Variants in MGLL observed in about 807,000 individuals in gnomAD.
MGLL encodes the protein lysophospholipase homolog.
A neutral mutation model predicts 29.1 loss-of-function variants in MGLL; 7 were observed. That is an observed-to-expected ratio of 0.24 (90% CI 0.14 to 0.45). The LOEUF is 0.45. Among genes scored for constraint, MGLL ranks in the 20% least tolerant of loss-of-function variants. MGLL has a pLI of 0.99. For missense variants in MGLL, 356 were observed against 413.6 expected (o/e 0.86, Z 1.21); for synonymous variants, 148 against 168.3 (o/e 0.88, Z 0.93).
chr3:127,811,838 T>C (rs566218891), intron 2 of MGLL, among the ~76,000 whole-genome samples: 23 of 152,376 alleles, frequency 1.5e-4, no homozygotes, highest in Non-Finnish European at 2.4e-4. Context: ...GGCAAGCCTC[T>C]AGCTGGCCTG....
chr3:127,761,498 A>G lies in MGLL; in HGVS notation c.262+20291T>C, dbSNP rs1305361338. On this transcript the variant is annotated intron_variant, in intron 3 of 7. Transcript: ENST00000265052. This position sits in a 1 kb window ranked among gnomAD's most constrained non-coding sequence, Gnocchi z 4.6. ...GAACACTCAGAGACAGCAGTCAAAG[A>G]GGCCACTTCTGCACTGCCTGGACCA... Among the ~76,000 whole-genome samples the G allele has an allele frequency of 1.3e-5, 2 of 152,250 alleles. No homozygotes were observed. The highest frequency in any genetic ancestry group is 4.8e-5 in the African/African-American group (2 of 41,458).
chr3:127,694,952 G>A, intron 7 of MGLL, 23 bp downstream of exon 7: 1 of 1,610,744 alleles, frequency 6.2e-7, no homozygotes. Flanking sequence ...TTGGGGGGAA[G>A]TGGGCAAGTG....
intron 3 of MGLL, among the ~76,000 whole-genome samples, chr3:127,725,756 T>A (rs575918942): frequency 6.6e-6 from 1 of 152,316 alleles, no homozygotes; most frequent in South Asian, 2.1e-4. Context: ...AATATAAAAA[T>A]GGCTGAATCT....
At chr3:127,726,177 AAAGAAAGAAAAG>A (rs2076035925) in intron 3 of MGLL, among the ~76,000 whole-genome samples, 2 of 42,554 alleles carry the variant, frequency 4.7e-5, no homozygotes, top group Admixed American at 2.2e-4. Context: ...AGAAAGAAAG[AAAGAAAGAAAAG>A]AAAAGAAAGA....
chr3:127,782,488 C>T (rs1207357902), intron 2 of MGLL, among the ~76,000 whole-genome samples: 1 of 152,178 alleles, frequency 6.6e-6, no homozygotes, highest in Non-Finnish European at 1.5e-5. Flanking sequence ...GAGCATCGCC[C>T]TGTGGGTGCT....
intron 5 of MGLL, among the ~76,000 whole-genome samples, 166 bp downstream of exon 5, chr3:127,720,887 C>T (rs1261380413): frequency 1.3e-5 from 2 of 152,200 alleles, no homozygotes; most frequent in Admixed American, 1.3e-4. Context: ...TTAGAAATTA[C>T]AGAACCCCGG....
At chr3:127,787,705 C>T (rs911802455) in intron 2 of MGLL, among the ~76,000 whole-genome samples, 10 of 152,220 alleles carry the variant, frequency 6.6e-5, no homozygotes, top group Admixed American at 2.0e-4. Flanking sequence ...CATCGCCTGC[C>T]GCTCCAGGCA....
intron 7 of MGLL, among the ~76,000 whole-genome samples, chr3:127,693,875 T>A (rs2075294720): frequency 6.6e-6 from 1 of 152,200 alleles, no homozygotes; most frequent in Admixed American, 6.5e-5. Context: ...TAAACAATCT[T>A]AGCGGACTCC....
At chr3:127,743,572 TAAAAAAAA>T (rs35691902) in intron 3 of MGLL, among the ~76,000 whole-genome samples, 14 of 40,698 alleles carry the variant, frequency 3.4e-4, no homozygotes, top group African/African-American at 1.5e-3. Context: ...CCACTAATGC[TAAAAAAAA>T]AAAAAAAAAA....
At chr3:127,752,760 G>A (rs1290950491) in intron 3 of MGLL, among the ~76,000 whole-genome samples, 4 of 152,098 alleles carry the variant, frequency 2.6e-5, no homozygotes, top group African/African-American at 9.7e-5. Context: ...TGCAAAACCG[G>A]CTGAGCTTCC....
chr3:127,771,000 G>A (rs986859744), intron 3 of MGLL, among the ~76,000 whole-genome samples: 2 of 152,316 alleles, frequency 1.3e-5, no homozygotes, highest in Non-Finnish European at 2.9e-5. Flanking sequence ...GGGTCACAAG[G>A]ATGTGTGTCC....
chr3:127,734,914 A>G (rs1040432854), intron 3 of MGLL, among the ~76,000 whole-genome samples: 1 of 152,198 alleles, frequency 6.6e-6, no homozygotes, highest in Non-Finnish European at 1.5e-5. Flanking sequence ...TTCCTGGCCA[A>G]CCCACAGGAA....
At chr3:127,693,695 T>C (rs2075291161) in intron 7 of MGLL, among the ~76,000 whole-genome samples, 1 of 152,150 alleles carries the variant, frequency 6.6e-6, no homozygotes, top group South Asian at 2.1e-4. Context: ...CACCGACTCC[T>C]CTCCATCATC....
chr3:127,722,122 C>T (rs1478320900), intron 4 of MGLL, among the ~76,000 whole-genome samples: 2 of 152,164 alleles, frequency 1.3e-5, no homozygotes, highest in Admixed American at 6.5e-5. Context: ...AGGAGCTATT[C>T]CCCCCTCCAA....
chr3:127,728,601 A>G (rs568267515), intron 3 of MGLL, among the ~76,000 whole-genome samples: 1 of 152,320 alleles, frequency 6.6e-6, no homozygotes, highest in South Asian at 2.1e-4. Flanking sequence ...GGGGTGAACC[A>G]TAGTTTTTTC....
intron 2 of MGLL, among the ~76,000 whole-genome samples, chr3:127,818,105 C>T (rs571917174): frequency 2.0e-5 from 3 of 152,328 alleles, no homozygotes; most frequent in African/African-American, 7.2e-5. Context: ...GGGCTACAGG[C>T]GTCTGCCACC....
chr3:127,710,674 G>A lies in MGLL; in HGVS notation c.511-9C>T, dbSNP rs1368076271. 6.4e-6 allele frequency: 10 copies of A among 1,560,434 alleles called. No homozygotes were observed. Among genetic ancestry groups the A allele is most frequent in the South Asian group, 5.9e-5 (5 of 84,764 alleles). On this transcript the variant is annotated splice_polypyrimidine_tract_variant and intron_variant, in intron 5 of 7. Coordinates refer to ENST00000265052, the MANE Select transcript of MGLL (RefSeq NM_007283.7). ...ACTTTCGCAGCAAGGACCTAGCCGG[G>A]GAGGGAAAACAAGGGCTGTGAGCAC...
At chr3:127,769,504 A>G (rs1046255542) in intron 3 of MGLL, among the ~76,000 whole-genome samples, 1 of 152,214 alleles carries the variant, frequency 6.6e-6, no homozygotes, top group African/African-American at 2.4e-5. Context: ...AAACCCTGTG[A>G]CGGAGGTAGT....
At chr3:127,774,536 C>T (rs2077000540) in intron 3 of MGLL, among the ~76,000 whole-genome samples, 1 of 152,364 alleles carries the variant, frequency 6.6e-6, no homozygotes, top group South Asian at 2.1e-4. Flanking sequence ...CTCCATATTT[C>T]CCTGTTCAAT....
Sources: gnomAD v4.1 joint callset for allele counts (sites outside exome capture counted in the v4.1 genomes callset) on GRCh38, gnomAD v4.1.1 for gene constraint, Gnocchi (gnomAD v3.1) non-coding constraint, MANE v1.5 for transcripts, NCBI Gene and HGNC (gene_info 2026-07-23, HGNC 2026-07-21) for gene names.